VPS13B: variants seen among roughly 807,000 people sequenced by gnomAD.
VPS13B encodes the protein intermembrane lipid transfer protein VPS13B.
VPS13B carries 285 observed loss-of-function variants against 426.4 expected under a neutral mutation model. The observed-to-expected ratio is 0.67, with a 90% CI of 0.61 to 0.74. VPS13B has a LOEUF of 0.74. VPS13B is among the 30% of genes least tolerant of loss of function. The pLI, the probability that VPS13B is intolerant of heterozygous loss-of-function variation, is 0.00. For synonymous variants in VPS13B, 1,676 were observed against 1,676.4 expected (o/e 1.00, Z 0.01); for missense variants, 4,537 against 4,782.6 (o/e 0.95, Z 1.51).
At chr8:99,320,180 A>T (rs915640723) in intron 19 of VPS13B, among the ~76,000 whole-genome samples, 8 of 152,156 alleles carry the variant, frequency 5.3e-5, no homozygotes. Context: ...TAGAAATATG[A>T]TGGTTTGCTT....
chr8:99,685,528 C>A (rs887778310), intron 35 of VPS13B, among the ~76,000 whole-genome samples: 1 of 152,144 alleles, frequency 6.6e-6, no homozygotes, highest in African/African-American at 2.4e-5. Flanking sequence ...CCAAGGGTTG[C>A]CTTAAGCCCT....
intron 19 of VPS13B, among the ~76,000 whole-genome samples, chr8:99,369,820 T>G (rs533582320): frequency 6.6e-6 from 1 of 152,326 alleles, no homozygotes; most frequent in Non-Finnish European, 1.5e-5. Flanking sequence ...TTCTCCCTCC[T>G]TTTTTGTTGA....
chr8:99,445,703 A>G (rs1275923632), intron 23 of VPS13B, among the ~76,000 whole-genome samples: 1 of 151,982 alleles, frequency 6.6e-6, no homozygotes, highest in South Asian at 2.1e-4. Flanking sequence ...AATTTATTTA[A>G]TGATGTAGTA....
intron 16 of VPS13B, among the ~76,000 whole-genome samples, chr8:99,182,798 G>A (rs1429762651): frequency 6.6e-6 from 1 of 152,182 alleles, no homozygotes; most frequent in African/African-American, 2.4e-5. Flanking sequence ...GTGCAGTGGT[G>A]CAGTCTCAGC....
chr8:99,777,919 G>A (rs1811821161), intron 41 of VPS13B, among the ~76,000 whole-genome samples: 1 of 152,018 alleles, frequency 6.6e-6, no homozygotes, highest in Non-Finnish European at 1.5e-5. Flanking sequence ...GAAGGGAAGA[G>A]GAGAAAATCA....
chr8:99,182,830 A>T (rs577677818), intron 16 of VPS13B, among the ~76,000 whole-genome samples: 79 of 152,354 alleles, frequency 5.2e-4, no homozygotes, highest in African/African-American at 1.8e-3. Flanking sequence ...TCTTTCTCCC[A>T]GGTTCAAGAG....
chr8:99,087,950 G>A (rs892847266), intron 3 of VPS13B, among the ~76,000 whole-genome samples: 26 of 152,056 alleles, frequency 1.7e-4, no homozygotes, highest in African/African-American at 4.8e-4. Context: ...TTGGGAGGCC[G>A]AAGCAGGTAG....
At position 99,598,629 on chromosome 8, in the gene VPS13B, T is replaced by C. The variant is rs370009544; in HGVS notation, c.5220+20996T>C. Among the ~76,000 whole-genome samples the C allele has an allele frequency of 6.6e-5, 10 of 152,122 alleles. No homozygotes were observed. In the South Asian group the frequency reaches 8.3e-4, roughly 13 times the overall value. ...AGGGGCAAAGAATAGAACCACATCA[T>C]TGGAGATCTGATGTGGGAGTTCTTT... On this transcript the variant is annotated intron_variant, in intron 33 of 61. Coordinates refer to ENST00000357162, the MANE Select transcript of VPS13B (RefSeq NM_152564.5).
chr8:99,107,918 A>G (rs769300931), intron 5 of VPS13B, among the ~76,000 whole-genome samples: 1 of 152,196 alleles, frequency 6.6e-6, no homozygotes, highest in Non-Finnish European at 1.5e-5. Context: ...TGTTGCATGC[A>G]TTTGGTGTAC....
chr8:99,570,440 A>G (rs1207066347), intron 31 of VPS13B, among the ~76,000 whole-genome samples: 1 of 152,086 alleles, frequency 6.6e-6, no homozygotes, highest in African/African-American at 2.4e-5. Context: ...GTCTTAAGAT[A>G]TATCTAAATG....
chr8:99,080,137 T>G (rs1845364736), intron 3 of VPS13B, among the ~76,000 whole-genome samples: 1 of 151,614 alleles, frequency 6.6e-6, no homozygotes, highest in African/African-American at 2.4e-5. Context: ...TTCAGAATAC[T>G]TAATTTTGTT....
At chr8:99,055,775 G>A (rs762645624) in intron 3 of VPS13B, among the ~76,000 whole-genome samples, 5 of 151,558 alleles carry the variant, frequency 3.3e-5, no homozygotes, top group South Asian at 2.1e-4. Context: ...TGTCACCCAA[G>A]CTGCAGTGCA....
rs750123340 is a variant in VPS13B at position 99,875,430 on chromosome 8, CGAGA to C, written c.11763_11766del (p.Glu3921AspfsTer66). On this transcript the variant is annotated frameshift_variant, in exon 62 of 62. Transcript: ENST00000357162. LOFTEE classifies it high-confidence loss of function. Reference sequence around the variant, plus strand: ...TTTTGGATCCTAGGTAGATGGAGTCCGAGAGAGACTGTCAGAGCAACAGTACAAC... The same window carrying C: ...TTTTGGATCCTAGGTAGATGGAGTCCGAGACTGTCAGAGCAACAGTACAAC... 6.2e-7 allele frequency: 1 copy of C among 1,614,048 alleles called. No individual in the cohort carries two copies. The highest frequency in any genetic ancestry group is 8.5e-7 in the Non-Finnish European group (1 of 1,180,020).
chr8:99,805,181 T>C (rs1210140623), intron 43 of VPS13B, among the ~76,000 whole-genome samples: 1 of 151,558 alleles, frequency 6.6e-6, no homozygotes, highest in East Asian at 1.9e-4. Context: ...TGAAGTTGTT[T>C]AAATCTCCAG....
intron 12 of VPS13B, among the ~76,000 whole-genome samples, chr8:99,141,811 G>A (rs796432024): frequency 5.9e-5 from 9 of 151,410 alleles, no homozygotes; most frequent in South Asian, 2.1e-4. Flanking sequence ...TTGGGAGGCC[G>A]AGGTGGGCGG....
chr8:99,808,413 G>C (rs753444361), intron 43 of VPS13B, among the ~76,000 whole-genome samples: 8 of 151,670 alleles, frequency 5.3e-5, no homozygotes, highest in Middle Eastern at 3.4e-3. Flanking sequence ...CTACTCGGGA[G>C]GCTGAGGCAA....
chr8:99,497,344 T>A (rs1235128130), intron 25 of VPS13B, among the ~76,000 whole-genome samples: 1 of 141,970 alleles, frequency 7.0e-6, no homozygotes, highest in African/African-American at 2.5e-5. Flanking sequence ...ATAAAATACA[T>A]ATATACATAA....
rs144672878 is a variant in VPS13B at position 99,743,673 on chromosome 8, G to A, written c.7050+22626G>A. 5.0e-3 allele frequency among the ~76,000 whole-genome samples: 757 copies of A among 151,626 alleles called. 6 individuals are homozygous for A. Among genetic ancestry groups the A allele is most frequent in the African/African-American group, 0.017 (708 of 41,426 alleles). On this transcript the variant is annotated intron_variant, in intron 39 of 61. Transcript: ENST00000357162. ...GAACCCTCAGAAATAATGCAGCAGCGTACCTACAACCATCTGATCTTTGAC... is the reference window on the plus strand; with the variant it reads ...GAACCCTCAGAAATAATGCAGCAGCATACCTACAACCATCTGATCTTTGAC...
intron 33 of VPS13B, among the ~76,000 whole-genome samples, chr8:99,632,292 G>A (rs560843795): frequency 6.6e-6 from 1 of 152,040 alleles, no homozygotes; most frequent in African/African-American, 2.4e-5. Flanking sequence ...TGTTTGAAAA[G>A]ATGATGCTTG....
Sources: allele counts gnomAD v4.1 joint callset (sites outside exome capture counted in the v4.1 genomes callset), GRCh38; gene constraint gnomAD v4.1.1; transcripts MANE v1.5; gene names NCBI Gene and HGNC (gene_info 2026-07-23, HGNC 2026-07-21).